Variants in XCR1 observed in about 807,000 individuals in gnomAD.
XCR1 encodes the protein X-C motif chemokine receptor 1, also known as chemokine XC receptor 1.
For missense variants in XCR1, 356 were observed against 424.2 expected (o/e 0.84, Z 1.41); for synonymous variants, 187 against 188.5 (o/e 0.99, Z 0.06).
rs1331370026 is a variant in XCR1 at position 46,023,974 on chromosome 3, C to T, written c.-31-1996G>A. 116 of 1,446,674 alleles carry T rather than the reference C, an allele frequency of 8.0e-5. 2 individuals are homozygous for T. The highest frequency in any genetic ancestry group is 3.0e-4 in the South Asian group (26 of 85,672). 89.6% of individuals were successfully genotyped at this position (1,446,674 alleles called of 1,614,324 possible). On this transcript the variant is annotated intron_variant, in intron 1 of 1. Coordinates refer to ENST00000309285, the MANE Select transcript of XCR1 (RefSeq NM_001024644.2). ...TGATTTTGTAGAAACGTCAGAATTA[C>T]GGAGCTTGCCGCCACATTCAGAAAC...
intron 1 of XCR1, among the ~76,000 whole-genome samples, chr3:46,085,636 A>G (rs1398172312): frequency 3.3e-5 from 5 of 152,174 alleles, no homozygotes; most frequent in African/African-American, 1.2e-4. Context: ...GGCCTGGCTC[A>G]CTGATCTGCC....
chr3:46,072,134 G>C (rs1394362247), intron 3 of XCR1, among the ~76,000 whole-genome samples: 1 of 152,142 alleles, frequency 6.6e-6, no homozygotes, highest in Non-Finnish European at 1.5e-5. Flanking sequence ...AAAATCAGTA[G>C]CATTTCTATA....
At chr3:46,023,672 G>T (rs1352944611) in intron 1 of XCR1, 8 of 1,438,098 alleles carry the variant, frequency 5.6e-6, no homozygotes, top group Non-Finnish European at 5.8e-6. Flanking sequence ...TCAGAGAAAC[G>T]CCTGCTTGAG....
At chr3:46,038,376 G>T (rs1559484309) in intron 5 of XCR1, among the ~76,000 whole-genome samples, 1 of 152,016 alleles carries the variant, frequency 6.6e-6, no homozygotes, top group Non-Finnish European at 1.5e-5. Flanking sequence ...AACTGAGTAG[G>T]ATAAAAATTT....
In XCR1 at chr3:46,060,081, C is replaced by T. The variant is rs376303724; in HGVS notation, c.-182-6011G>A. Among the ~76,000 whole-genome samples the T allele has an allele frequency of 3.9e-5, 6 of 152,282 alleles. No individual in the cohort carries two copies. The East Asian group carries it at 7.7e-4, about 20-fold the overall frequency. The stretch of plus-strand genomic sequence containing the variant: ...AATATTTGCTTAATGCATATCTATC[C>T]GTACAAACATATAACAAAATAGAAA... On this transcript the variant is annotated intron_variant, in intron 4 of 5. Transcript: ENST00000683768.
At chr3:46,031,490 T>A (rs536582975), upstream of XCR1, among the ~76,000 whole-genome samples, 2 of 152,272 alleles carry the variant, frequency 1.3e-5, no homozygotes, top group East Asian at 3.9e-4. Context: ...TGTGCACCGA[T>A]GAGCACAGGA....
chr3:46,049,140 G>A (rs1221789271), intron 5 of XCR1, among the ~76,000 whole-genome samples: 5 of 152,120 alleles, frequency 3.3e-5, no homozygotes, highest in Non-Finnish European at 7.4e-5. Flanking sequence ...ATAGTCACAT[G>A]AACATAGCTT....
Position 46,021,301 on chromosome 3 carries a change from C to T in XCR1, c.647G>A (p.Arg216His), listed in dbSNP as rs905380713. 1.2e-5 allele frequency: 19 copies of T among 1,613,924 alleles called. No individual in the cohort carries two copies. Among genetic ancestry groups the T allele is most frequent in the East Asian group, 2.2e-5 (1 of 44,886 alleles). Reference sequence around the variant, plus strand: ...GACCGTGCGGTGGCGCCGCTTGGAGCGTGAGCGGAACAGGGTCCTGAGGAT... The same window carrying T: ...GACCGTGCGGTGGCGCCGCTTGGAGTGTGAGCGGAACAGGGTCCTGAGGAT... Reference protein sequence around the residue: ...VEILRTLFRSRSKRRHRTVKL... With the variant: ...VEILRTLFRSHSKRRHRTVKL... Residue 216 changes from arginine to histidine, a missense_variant, in exon 2 of 2, where the codon CGC becomes CAC. Coordinates refer to ENST00000309285, the MANE Select transcript of XCR1 (RefSeq NM_001024644.2). The surrounding 1 kb of genome is among the most constrained non-coding windows in gnomAD (Gnocchi z 4.7).
intron 5 of XCR1, among the ~76,000 whole-genome samples, chr3:46,053,713 G>A (rs945004510): frequency 1.3e-5 from 2 of 152,070 alleles, no homozygotes; most frequent in African/African-American, 4.8e-5. Flanking sequence ...TGGAAACCAT[G>A]GGTTATGCAT....
chr3:46,029,365 G>T (rs1285177085), upstream of XCR1, among the ~76,000 whole-genome samples: 1 of 152,040 alleles, frequency 6.6e-6, no homozygotes, highest in Non-Finnish European at 1.5e-5. Flanking sequence ...CAACATGCCT[G>T]GCTAATTTTT....
At position 46,027,451 on chromosome 3, in the gene XCR1, A is replaced by G. The variant is rs1401744439; in HGVS notation, c.-66T>C. On this transcript the variant is annotated 5_prime_UTR_variant, in exon 1 of 2. Transcript: ENST00000309285. ...CACCTCTTTACATGCGTCTTGAGGC[A>G]GAAATGGTGCTTCTCTGTTTCATAT... 6.6e-6 allele frequency: 1 copy of G among 152,276 alleles called. No individual in the cohort carries two copies. The highest frequency in any genetic ancestry group is 1.5e-5 in the Non-Finnish European group (1 of 68,056). The allele number at this position is 152,276 out of a possible 1,614,324, so 9.4% of individuals were successfully genotyped here.
intron 5 of XCR1, among the ~76,000 whole-genome samples, chr3:46,041,412 G>T (rs1488446937): frequency 6.6e-6 from 1 of 152,154 alleles, no homozygotes; most frequent in African/African-American, 2.4e-5. Context: ...GCTATGATTT[G>T]TCTTTGGTGG....
At chr3:46,082,546 A>G (rs1213222621) in intron 1 of XCR1, among the ~76,000 whole-genome samples, 1 of 124,506 alleles carries the variant, frequency 8.0e-6, no homozygotes, top group Non-Finnish European at 1.6e-5. Flanking sequence ...GCTGGAATGT[A>G]GTAACATGAT....
chr3:46,083,008 G>C (rs1173397563), intron 1 of XCR1, among the ~76,000 whole-genome samples: 1 of 152,156 alleles, frequency 6.6e-6, no homozygotes. Flanking sequence ...ACAACTCAGG[G>C]CCACATAAAA....
chr3:46,021,300 GC>G lies in XCR1; in HGVS notation c.647del (p.Arg216ProfsTer50), dbSNP rs1163235746. 6 of 1,614,152 alleles carry G rather than the reference GC, an allele frequency of 3.7e-6. No individual in the cohort carries two copies. The highest frequency in any genetic ancestry group is 5.1e-6 in the Non-Finnish European group (6 of 1,180,036). On this transcript the variant is annotated frameshift_variant, in exon 2 of 2. Transcript: ENST00000309285. LOFTEE classifies it low-confidence loss of function (END_TRUNC). This position sits in a 1 kb window ranked among gnomAD's most constrained non-coding sequence, Gnocchi z 4.7. ...TGACCGTGCGGTGGCGCCGCTTGGA[GC>G]GTGAGCGGAACAGGGTCCTGAGGAT... is the stretch of plus-strand genomic sequence containing the variant. ...VEILRTLFRS[R>X]SKRRHRTVKL...
At chr3:46,080,837 C>A (rs1698349241) in intron 1 of XCR1, among the ~76,000 whole-genome samples, 1 of 152,158 alleles carries the variant, frequency 6.6e-6, no homozygotes, top group Non-Finnish European at 1.5e-5. Context: ...TTATTGGAAA[C>A]CATCCCCTCT....
At chr3:46,079,179 G>A (rs1698314723) in intron 1 of XCR1, among the ~76,000 whole-genome samples, 1 of 152,136 alleles carries the variant, frequency 6.6e-6, no homozygotes, top group Non-Finnish European at 1.5e-5. Flanking sequence ...GACAACCATT[G>A]TTAGAAACAC....
chr3:46,041,525 C>T (rs1697536245), intron 5 of XCR1, among the ~76,000 whole-genome samples: 1 of 152,136 alleles, frequency 6.6e-6, no homozygotes, highest in Non-Finnish European at 1.5e-5. Context: ...TGGTATAGAC[C>T]TTCCCACGAA....
At chr3:46,044,271 G>A (rs1697585884) in intron 5 of XCR1, among the ~76,000 whole-genome samples, 1 of 152,186 alleles carries the variant, frequency 6.6e-6, no homozygotes, top group Admixed American at 6.5e-5. Flanking sequence ...ACAGGGATGA[G>A]CCACCATGCC....
Sources: gnomAD v4.1 joint callset for allele counts (sites outside exome capture counted in the v4.1 genomes callset) on GRCh38, gnomAD v4.1.1 for gene constraint, Gnocchi (gnomAD v3.1) non-coding constraint, MANE v1.5 for transcripts, NCBI Gene and HGNC (gene_info 2026-07-23, HGNC 2026-07-21) for gene names.